The following SEC22C variants were observed in gnomAD, a reference collection of about 807,000 sequenced individuals.
SEC22C encodes the protein SEC22 homolog C, vesicle trafficking protein, also known as vesicle-trafficking protein SEC22c.
In SEC22C, 29 loss-of-function variants were observed where a neutral mutation model predicts 34.7. The ratio of observed to expected loss-of-function variants is 0.84; its 90% CI spans 0.62 to 1.14. The LOEUF is 1.14. Among genes scored for constraint, SEC22C ranks in the 50% most tolerant of loss-of-function variants. SEC22C has a pLI of 0.00. For missense variants in SEC22C, 337 were observed against 369.0 expected (o/e 0.91, Z 0.71); for synonymous variants, 117 against 132.8 (o/e 0.88, Z 0.82).
At chr3:42,553,513 T>C in intron 6 of SEC22C, 65 bp from the exon 7 acceptor site, 1 of 1,563,958 alleles carries the variant, frequency 6.4e-7, no homozygotes, top group Non-Finnish European at 8.6e-7. Context: ...ATATGCAAAA[T>C]TCACCTCCCA....
At chr3:42,595,964 G>A (rs1441577062) in intron 1 of SEC22C, among the ~76,000 whole-genome samples, 1 of 152,154 alleles carries the variant, frequency 6.6e-6, no homozygotes, top group Non-Finnish European at 1.5e-5. Context: ...TAGCACTAAT[G>A]TGCTGAGGGC....
intron 1 of SEC22C, among the ~76,000 whole-genome samples, chr3:42,598,272 C>T (rs1232380436): frequency 6.6e-6 from 1 of 150,818 alleles, no homozygotes; most frequent in Admixed American, 6.6e-5. Flanking sequence ...CATGCTACAA[C>T]ATGGATGAAA....
intron 4 of SEC22C, among the ~76,000 whole-genome samples, chr3:42,559,538 G>C (rs935035752): frequency 7.9e-5 from 12 of 152,200 alleles, no homozygotes; most frequent in Admixed American, 6.5e-4. Flanking sequence ...ACTGGAATGA[G>C]AGCCAATCCA....
At chr3:42,591,201 C>CCTTTT in intron 1 of SEC22C, 2 of 487,886 alleles carry the variant, frequency 4.1e-6, no homozygotes, top group South Asian at 2.5e-5. Context: ...CCTTTCTCTC[C>CCTTTT]TTTTTTTTTT....
rs1215444048 is a variant in SEC22C, at chr3:42,557,614, G to A, written c.609C>T (p.Leu203=). Residue 203 remains leucine, a synonymous_variant, in exon 5 of 7, where the codon CTC becomes CTT. Coordinates refer to ENST00000264454, the MANE Select transcript of SEC22C (RefSeq NM_032970.4). ...GTTCTGCAAGGTGAACTCCTCGAATGAGATTCAGGGCAGCACACATGATGT... is the reference window on the plus strand; with the variant it reads ...GTTCTGCAAGGTGAACTCCTCGAATAAGATTCAGGGCAGCACACATGATGT... The part of the protein sequence containing the change: ...ILNIMCAALN[L]IRGVHLAEHS... The A allele has an allele frequency of 1.2e-6, 2 of 1,601,654 alleles. No individual in the cohort carries two copies. The highest frequency in any genetic ancestry group is 2.7e-5 in the African/African-American group (2 of 74,318).
upstream of SEC22C, among the ~76,000 whole-genome samples, chr3:42,585,946 C>A (rs540786909): frequency 3.3e-5 from 5 of 152,084 alleles, no homozygotes; most frequent in Admixed American, 6.5e-5. Context: ...TTCAACCCCC[C>A]CTCCCCCGCT....
intron 4 of SEC22C, among the ~76,000 whole-genome samples, chr3:42,558,304 G>C (rs1031638560): frequency 2.7e-5 from 4 of 146,494 alleles, no homozygotes; most frequent in Admixed American, 1.4e-4. Flanking sequence ...AACATAGTGA[G>C]ACCCTGTCTC....
Position 42,561,677 on chromosome 3 carries a change from T to C in SEC22C, c.347-381A>G, listed in dbSNP as rs1217990056. Reference sequence around the variant, plus strand: ...GTGCTGGGATAATAGGCGTGAACCATTGCACCCAGCTGAAGTTCACATTTC... The same window carrying C: ...GTGCTGGGATAATAGGCGTGAACCACTGCACCCAGCTGAAGTTCACATTTC... On this transcript the variant is annotated intron_variant, in intron 3 of 6. Transcript: ENST00000264454. Among the ~76,000 whole-genome samples, 11 of 152,300 alleles carry C rather than the reference T, an allele frequency of 7.2e-5. No individual in the cohort carries two copies. In the South Asian group the frequency reaches 8.3e-4, roughly 11 times the overall value.
intron 2 of SEC22C, among the ~76,000 whole-genome samples, chr3:42,566,279 A>G (rs1217453425): frequency 1.3e-5 from 2 of 152,098 alleles, no homozygotes; most frequent in African/African-American, 4.8e-5. Context: ...CTAGCCTGAC[A>G]TTACCACCTA....
chr3:42,574,791 T>C (rs1379010334), intron 1 of SEC22C, among the ~76,000 whole-genome samples: 1 of 152,124 alleles, frequency 6.6e-6, no homozygotes, highest in East Asian at 1.9e-4. Flanking sequence ...TACAAAGAGA[T>C]ATACTAAAAA....
intron 4 of SEC22C, among the ~76,000 whole-genome samples, chr3:42,560,430 A>G (rs1368698606): frequency 6.6e-6 from 1 of 151,230 alleles, no homozygotes; most frequent in Admixed American, 6.6e-5. Flanking sequence ...CAGCACTCTG[A>G]AAGGCCGAGG....
chr3:42,559,799 C>A (rs1389612169), intron 4 of SEC22C, among the ~76,000 whole-genome samples: 1 of 151,936 alleles, frequency 6.6e-6, no homozygotes, highest in Non-Finnish European at 1.5e-5. Flanking sequence ...AACAGGAATG[C>A]AAAAAATCAT....
At chr3:42,587,165 C>A (rs1022200101) in intron 1 of SEC22C, among the ~76,000 whole-genome samples, 1 of 152,170 alleles carries the variant, frequency 6.6e-6, no homozygotes, top group Non-Finnish European at 1.5e-5. Flanking sequence ...TAACTTTCAC[C>A]ATGTTACAGC....
intron 1 of SEC22C, among the ~76,000 whole-genome samples, chr3:42,597,631 C>T (rs1206281779): frequency 6.6e-6 from 1 of 152,074 alleles, no homozygotes; most frequent in East Asian, 1.9e-4. Context: ...TCCAACCCGC[C>T]ACCCAGGGGC....
rs1384964125 is a variant in SEC22C at position 42,549,278 on chromosome 3, C to T, written c.*3970G>A. 1.0e-6 allele frequency: 1 copy of T among 986,184 alleles called. No individual in the cohort carries two copies. The allele number at this position is 986,184 out of a possible 1,614,324, so 61.1% of individuals were successfully genotyped here. A position where few individuals can be genotyped will look rare whatever the true frequency, so the allele number is the denominator to read the frequency against. On this transcript the variant is annotated 3_prime_UTR_variant, in exon 7 of 7. Coordinates refer to ENST00000264454, the MANE Select transcript of SEC22C (RefSeq NM_032970.4). ...CATAAATGCTCCCACCCCTGCCTGT[C>T]CTCACTTGTGCTGCACTATGCAAGC...
chr3:42,557,587 A>G lies in SEC22C; in HGVS notation c.636T>C (p.His212=). ...NLIRGVHLAE[H]SLQVAHEEIG... ...AAAAAAAAAAGGTTACCTGTAAAGA[A>G]TGTTCTGCAAGGTGAACTCCTCGAA... The change falls in exon 5 of 7, where the codon CAT becomes CAC. Residue 212 remains histidine (H), a synonymous_variant. Transcript: ENST00000264454. 6.5e-7 allele frequency: 1 copy of G among 1,543,896 alleles called. No individual in the cohort carries two copies. The highest frequency in any genetic ancestry group is 8.8e-7 in the Non-Finnish European group (1 of 1,133,974).
intron 2 of SEC22C, among the ~76,000 whole-genome samples, chr3:42,565,604 T>C (rs546735231): frequency 2.5e-4 from 38 of 152,168 alleles, no homozygotes; most frequent in African/African-American, 9.2e-4. Flanking sequence ...TGAAAGGAAA[T>C]TTGGACACAG....
chr3:42,560,488 G>A (rs1315282945), intron 4 of SEC22C, among the ~76,000 whole-genome samples: 2 of 149,704 alleles, frequency 1.3e-5, no homozygotes, highest in African/African-American at 4.9e-5. Flanking sequence ...AGCCTGGGCT[G>A]TAACATGGTG....
chr3:42,557,532 A>C, intron 5 of SEC22C, 46 bp downstream of exon 5: 982 of 734,320 alleles, frequency 1.3e-3, no homozygotes, highest in Non-Finnish European at 1.9e-3. Context: ...TTCTTCTATC[A>C]TATGTCCTTC....
Sources: gnomAD v4.1 joint callset for allele counts (sites outside exome capture counted in the v4.1 genomes callset) on GRCh38, gnomAD v4.1.1 for gene constraint, MANE v1.5 for transcripts, NCBI Gene and HGNC (gene_info 2026-07-23, HGNC 2026-07-21) for gene names.